Variants in RASGRF2 observed in about 807,000 individuals in gnomAD.
The protein encoded by RASGRF2 is Ras protein specific guanine nucleotide releasing factor 2.
In RASGRF2, 76 loss-of-function variants were observed where a neutral mutation model predicts 151.0. That is an observed-to-expected ratio of 0.50 (90% confidence interval 0.42 to 0.61). The LOEUF is 0.61. RASGRF2 is among the 20% of genes least tolerant of loss of function. The probability of loss-of-function intolerance (pLI) is 0.00; values close to 1 mark genes in which losing one functional copy is unlikely to be tolerated. For synonymous variants in RASGRF2, 504 were observed against 566.5 expected, an observed-to-expected ratio of 0.89 and a Z score of 1.57; for missense variants, 1,148 against 1,564.6, an observed-to-expected ratio of 0.73 and a Z score of 4.49.
chr5:80,962,328 A>T (rs1284073757), intron 1 of RASGRF2, among the ~76,000 whole-genome samples: 1 of 152,238 alleles, frequency 6.6e-6, no homozygotes, highest in African/African-American at 2.4e-5. Flanking sequence ...CTAGAAATAT[A>T]AACATAAATT....
At chr5:80,982,307 C>A (rs1227555984) in intron 1 of RASGRF2, among the ~76,000 whole-genome samples, 3 of 152,108 alleles carry the variant, frequency 2.0e-5, no homozygotes, top group African/African-American at 7.2e-5. Flanking sequence ...TGAAGGCATT[C>A]TCTGATGACT....
At chr5:81,190,482 G>C (rs1755132946) in intron 18 of RASGRF2, among the ~76,000 whole-genome samples, 1 of 152,118 alleles carries the variant, frequency 6.6e-6, no homozygotes. Context: ...TGTAAAATTG[G>C]CAAAATTATC....
chr5:80,993,156 A>G (rs1042566842), intron 1 of RASGRF2, among the ~76,000 whole-genome samples: 1 of 152,148 alleles, frequency 6.6e-6, no homozygotes, highest in African/African-American at 2.4e-5. Flanking sequence ...AGGCTTTTCT[A>G]TAGGGGCCCA....
intron 1 of RASGRF2, among the ~76,000 whole-genome samples, chr5:81,034,488 A>C (rs1477368497): frequency 6.6e-6 from 1 of 152,056 alleles, no homozygotes; most frequent in Admixed American, 6.6e-5. Context: ...TGCTATAAAG[A>C]CACATGCACA....
intron 1 of RASGRF2, among the ~76,000 whole-genome samples, chr5:80,967,690 T>G (rs1747767571): frequency 6.6e-6 from 1 of 152,154 alleles, no homozygotes; most frequent in African/African-American, 2.4e-5. Context: ...AACAGTGGGG[T>G]CAGTTCTTTC....
intron 13 of RASGRF2, among the ~76,000 whole-genome samples, chr5:81,111,634 A>T (rs76909793): frequency 0.012 from 1,835 of 152,172 alleles, 36 homozygotes; most frequent in African/African-American, 0.043. Context: ...GAAATAAATG[A>T]ATTAGGCACT....
At chr5:81,111,348 A>C (rs1277507600) in intron 13 of RASGRF2, among the ~76,000 whole-genome samples, 1 of 152,146 alleles carries the variant, frequency 6.6e-6, no homozygotes, top group Non-Finnish European at 1.5e-5. Context: ...CCACTTGGAG[A>C]GGCTGCCAGT....
intron 1 of RASGRF2, among the ~76,000 whole-genome samples, chr5:80,988,003 A>ATGTGTGTG (rs879470668): frequency 7.8e-6 from 1 of 128,080 alleles, no homozygotes; most frequent in Non-Finnish European, 1.6e-5. Flanking sequence ...TTTGAAATAA[A>ATGTGTGTG]TGTGCGTGTG....
chr5:81,114,009 C>G, intron 15 of RASGRF2, 89 bp downstream of exon 15: 1 of 1,431,338 alleles, frequency 7.0e-7, no homozygotes, highest in Non-Finnish European at 9.5e-7. Context: ...GGTTCCCTTT[C>G]TTTACAACTG....
chr5:81,131,898 A>T (rs1753631188), intron 17 of RASGRF2, among the ~76,000 whole-genome samples: 1 of 152,142 alleles, frequency 6.6e-6, no homozygotes, highest in African/African-American at 2.4e-5. Context: ...CATAGGTGAT[A>T]CCCAGGATTG....
chr5:81,155,523 C>A (rs1181225939), intron 17 of RASGRF2, among the ~76,000 whole-genome samples: 2 of 152,126 alleles, frequency 1.3e-5, no homozygotes, highest in East Asian at 1.9e-4. Flanking sequence ...AACATCACAA[C>A]CAACCCTACA....
At chr5:81,118,872 TC>T (rs1319613423) in intron 15 of RASGRF2, among the ~76,000 whole-genome samples, 1 of 152,208 alleles carries the variant, frequency 6.6e-6, no homozygotes, top group Non-Finnish European at 1.5e-5. Context: ...CACAATTCAC[TC>T]AAGTTCTTTG....
intron 12 of RASGRF2, among the ~76,000 whole-genome samples, chr5:81,097,263 G>T (rs1238696120): frequency 6.6e-6 from 1 of 152,116 alleles, no homozygotes; most frequent in Non-Finnish European, 1.5e-5. Flanking sequence ...ACTCGGCCAA[G>T]TTATCTTTTT....
intron 17 of RASGRF2, among the ~76,000 whole-genome samples, chr5:81,157,000 A>G: frequency 6.6e-6 from 1 of 152,298 alleles, no homozygotes; most frequent in South Asian, 2.1e-4. Context: ...ATAAAAATCA[A>G]TTGTATTTTG....
chr5:81,030,885 G>C (rs1057316097), intron 1 of RASGRF2, among the ~76,000 whole-genome samples: 1 of 152,162 alleles, frequency 6.6e-6, no homozygotes, highest in African/African-American at 2.4e-5. Flanking sequence ...ACCCATCAGT[G>C]TGCTGTATTC....
chr5:81,212,467 C>G lies in RASGRF2; in HGVS notation c.3258C>G (p.Cys1086Trp). The change falls in exon 23 of 27, where the codon TGC becomes TGG. Residue 1086 changes from cysteine to tryptophan, a missense_variant. Transcript: ENST00000265080. The part of the protein sequence containing the change: ...KWVAVADICR[C>W]LHNYNGVLEI... The stretch of plus-strand genomic sequence containing the variant: ...TGGCAGTGGCGGACATCTGCCGATG[C>G]CTGCACAACTACAACGGCGTGCTGG... 6.2e-7 allele frequency: 1 copy of G among 1,613,776 alleles called. No homozygotes were observed. Among genetic ancestry groups the G allele is most frequent in the Non-Finnish European group, 8.5e-7 (1 of 1,179,868 alleles).
intron 1 of RASGRF2, among the ~76,000 whole-genome samples, chr5:81,015,197 A>T (rs554462079): frequency 1.1e-4 from 16 of 152,288 alleles, no homozygotes; most frequent in African/African-American, 3.4e-4. Flanking sequence ...TATTATTTTT[A>T]AAAAGTTGTA....
chr5:81,141,147 A>G (rs1209233489), intron 17 of RASGRF2, among the ~76,000 whole-genome samples: 1 of 152,192 alleles, frequency 6.6e-6, no homozygotes, highest in Non-Finnish European at 1.5e-5. Flanking sequence ...GTGACCTCAG[A>G]TTTACTGTAA....
At chr5:81,094,240 C>T in intron 10 of RASGRF2, 56 bp from the exon 11 acceptor site, 1 of 1,400,294 alleles carries the variant, frequency 7.1e-7, no homozygotes. Context: ...CAAATCAGAG[C>T]TTCCCAATCT....
Sources: gnomAD v4.1 joint callset for allele counts (sites outside exome capture counted in the v4.1 genomes callset) on GRCh38, gnomAD v4.1.1 for gene constraint, MANE v1.5 for transcripts, NCBI Gene and HGNC (gene_info 2026-07-23, HGNC 2026-07-21) for gene names.